ARHGAP20: variants seen among roughly 807,000 people sequenced by gnomAD.
ARHGAP20 encodes the protein rho GTPase-activating protein 20.
Under a neutral mutation model 73.7 loss-of-function variants are expected in ARHGAP20, and 34 were observed. The observed-to-expected ratio is 0.46, with a 90% CI of 0.35 to 0.61. The LOEUF (loss-of-function observed/expected upper bound fraction) is 0.61, where lower values mean the gene tolerates loss of function less well. Ranked by LOEUF, ARHGAP20 falls within the 20% of genes least tolerant of loss-of-function variation. The pLI, the probability that ARHGAP20 is intolerant of heterozygous loss-of-function variation, is 0.00. For synonymous variants in ARHGAP20, 523 were observed against 518.2 expected, an observed-to-expected ratio of 1.01 and a Z score of -0.13; for missense variants, 1,314 against 1,420.9, an observed-to-expected ratio of 0.92 and a Z score of 1.21.
At chr11:110,634,141 T>C (rs1271116632) in intron 2 of ARHGAP20, among the ~76,000 whole-genome samples, 2 of 152,074 alleles carry the variant, frequency 1.3e-5, no homozygotes, top group African/African-American at 4.8e-5. Context: ...AAAAGGTGTC[T>C]TGGGGTAAAA....
chr11:110,669,479 A>G (rs1278152485), intron 2 of ARHGAP20, among the ~76,000 whole-genome samples: 1 of 152,134 alleles, frequency 6.6e-6, no homozygotes, highest in African/African-American at 2.4e-5. Context: ...TAAGAAAAAA[A>G]AAACCCAACA....
chr11:110,654,077 G>A (rs1949415859), intron 2 of ARHGAP20, among the ~76,000 whole-genome samples: 1 of 152,076 alleles, frequency 6.6e-6, no homozygotes, highest in Non-Finnish European at 1.5e-5. Flanking sequence ...GGAGCATCAG[G>A]AAAAATAGCT....
intron 1 of ARHGAP20, among the ~76,000 whole-genome samples, chr11:110,691,217 C>T (rs1055659455): frequency 5.9e-5 from 9 of 151,770 alleles, no homozygotes; most frequent in East Asian, 1.9e-4. Flanking sequence ...AAATATAAGA[C>T]GGTGGTAATC....
At chr11:110,699,034 T>G (rs1950393214) in intron 1 of ARHGAP20, among the ~76,000 whole-genome samples, 1 of 151,982 alleles carries the variant, frequency 6.6e-6, no homozygotes, top group African/African-American at 2.4e-5. Flanking sequence ...TTTCTATCTT[T>G]TTGGTGTAGA....
chr11:110,640,296 T>C (rs1017685298), intron 2 of ARHGAP20, among the ~76,000 whole-genome samples: 3 of 152,000 alleles, frequency 2.0e-5, no homozygotes, highest in African/African-American at 4.8e-5. Context: ...GATCATAGCA[T>C]AGACACTGTC....
intron 1 of ARHGAP20, among the ~76,000 whole-genome samples, chr11:110,703,640 A>G (rs1950500303): frequency 1.3e-5 from 2 of 152,122 alleles, no homozygotes; most frequent in Admixed American, 6.6e-5. Flanking sequence ...ATATAAGGAT[A>G]TTAGAATTTC....
intron 2 of ARHGAP20, among the ~76,000 whole-genome samples, chr11:110,632,693 C>T (rs549891976): frequency 6.6e-6 from 1 of 152,292 alleles, no homozygotes; most frequent in Non-Finnish European, 1.5e-5. Context: ...GTTGAGCCAC[C>T]ATGCCCAGCC....
intron 2 of ARHGAP20, among the ~76,000 whole-genome samples, chr11:110,665,244 A>G (rs1018193323): frequency 1.3e-5 from 2 of 152,234 alleles, no homozygotes; most frequent in African/African-American, 4.8e-5. Context: ...TAGACATATT[A>G]GAAAACACAA....
intron 2 of ARHGAP20, among the ~76,000 whole-genome samples, chr11:110,641,153 C>T (rs981331074): frequency 2.6e-5 from 4 of 151,870 alleles, no homozygotes; most frequent in East Asian, 1.9e-4. Context: ...GAGATCAATA[C>T]ATCAACAATG....
chr11:110,618,758 C>A (rs1176450436), intron 4 of ARHGAP20, among the ~76,000 whole-genome samples: 17 of 83,444 alleles, frequency 2.0e-4, no homozygotes, highest in African/African-American at 2.1e-4. Context: ...GCAGTGATAG[C>A]ATATATGTAG....
intron 11 of ARHGAP20, among the ~76,000 whole-genome samples, chr11:110,588,110 C>T (rs141333063): frequency 6.6e-6 from 1 of 152,252 alleles, no homozygotes; most frequent in African/African-American, 2.4e-5. Flanking sequence ...GATAATAACT[C>T]GTAACATCTC....
intron 1 of ARHGAP20, among the ~76,000 whole-genome samples, chr11:110,711,215 C>T (rs1461600247): frequency 3.9e-5 from 6 of 152,106 alleles, no homozygotes; most frequent in Non-Finnish European, 8.8e-5. Context: ...CGCAGCACAG[C>T]GGCCGTGTTT....
intron 2 of ARHGAP20, among the ~76,000 whole-genome samples, chr11:110,633,321 T>C (rs10891151): frequency 0.26 from 39,170 of 152,056 alleles, 5,258 homozygotes; most frequent in Admixed American, 0.35. Context: ...GGTACCTTCT[T>C]AAAATCACGA....
rs563748406 is a variant in ARHGAP20 at position 110,618,786 on chromosome 11, TGATA to T, written c.504-3196_504-3193del. On this transcript the variant is annotated intron_variant, in intron 4 of 14. Transcript: ENST00000683387. ...ATATGTAGTGATAGAGTGTATGCAG[TGATA>T]GAGTGTATGCAGTGATAGAGTGTAT... 5.5e-3 allele frequency among the ~76,000 whole-genome samples: 282 copies of T among 51,226 alleles called. 5 individuals carry two copies. The highest frequency in any genetic ancestry group is 0.023 in the African/African-American group (262 of 11,488). 33.6% of individuals were successfully genotyped at this position (51,226 alleles called of 152,430 possible).
At chr11:110,678,818 T>A (rs867884926) in intron 2 of ARHGAP20, among the ~76,000 whole-genome samples, 2 of 151,966 alleles carry the variant, frequency 1.3e-5, no homozygotes, top group African/African-American at 4.8e-5. Flanking sequence ...CACACCACCA[T>A]GCCCAGATAA....
intron 9 of ARHGAP20, among the ~76,000 whole-genome samples, chr11:110,606,173 A>G (rs1948224455): frequency 6.6e-6 from 1 of 152,190 alleles, no homozygotes; most frequent in African/African-American, 2.4e-5. Context: ...GGGCATCACA[A>G]TCTTCTGACA....
chr11:110,611,367 A>G lies in ARHGAP20; in HGVS notation c.650T>C (p.Met217Thr). ...AACTTCATTCGCTGTATCTGAATTC[A>G]TTACTGTTATAGTTTTAGACTGTAG... is the stretch of plus-strand genomic sequence containing the variant. ...NCAYSKTITV[M>T]NSDTANEVIN... The change falls in exon 7 of 15, where the codon ATG becomes ACG. Residue 217 changes from methionine to threonine, a missense_variant. Transcript: ENST00000683387. The G allele has an allele frequency of 1.3e-6, 2 of 1,552,212 alleles. No homozygotes were observed. The highest frequency in any genetic ancestry group is 2.4e-5 in the East Asian group (1 of 42,432).
At chr11:110,626,895 A>G (rs1948754500) in intron 3 of ARHGAP20, among the ~76,000 whole-genome samples, 1 of 152,170 alleles carries the variant, frequency 6.6e-6, no homozygotes, top group Non-Finnish European at 1.5e-5. Flanking sequence ...TAAAATGGGC[A>G]TTCTTGGGGT....
At position 110,711,575 on chromosome 11, in the gene ARHGAP20, C is replaced by A. The variant is rs1467576027; in HGVS notation, c.105+552G>T. 7 of 1,462,634 alleles carry A rather than the reference C, an allele frequency of 4.8e-6. No individual in the cohort carries two copies. The East Asian group carries it at 2.0e-4, about 42-fold the overall frequency. 90.6% of individuals were successfully genotyped at this position (1,462,634 alleles called of 1,614,324 possible). A position where few individuals can be genotyped will look rare whatever the true frequency, so the allele number is the denominator to read the frequency against. On this transcript the variant is annotated intron_variant, in intron 1 of 14. Coordinates refer to ENST00000683387, the MANE Select transcript of ARHGAP20 (RefSeq NM_001384657.1). The stretch of plus-strand genomic sequence containing the variant: ...GGGGCAGTACTCCCCATATCTGCCC[C>A]CCGAAAACTGCTATGGAGCAGCCGC...
Sources: gnomAD v4.1 joint callset for allele counts (sites outside exome capture counted in the v4.1 genomes callset) on GRCh38, gnomAD v4.1.1 for gene constraint, MANE v1.5 for transcripts, NCBI Gene and HGNC (gene_info 2026-07-23, HGNC 2026-07-21) for gene names.